VIPR2: variants seen among roughly 807,000 people sequenced by gnomAD.
VIPR2 encodes vasoactive intestinal polypeptide receptor 2.
VIPR2 carries 48 observed loss-of-function variants against 58.0 expected under a neutral mutation model. The ratio of observed to expected loss-of-function variants is 0.83; its 90% confidence interval spans 0.66 to 1.05. VIPR2 has a LOEUF of 1.05. Among genes scored for constraint, VIPR2 ranks in the 50% least tolerant of loss-of-function variants. The pLI is 0.00. For synonymous variants in VIPR2, 243 were observed against 235.2 expected (o/e 1.03, Z -0.30); for missense variants, 534 against 558.0 (o/e 0.96, Z 0.43).
intron 4 of VIPR2, among the ~76,000 whole-genome samples, chr7:159,088,316 C>T (rs1031234473): frequency 6.6e-6 from 1 of 152,154 alleles, no homozygotes; most frequent in Non-Finnish European, 1.5e-5. Flanking sequence ...CTGCAGCACA[C>T]CTGTACACCA....
chr7:159,109,757 A>T, intron 3 of VIPR2, 55 bp downstream of exon 3: 1 of 1,516,226 alleles, frequency 6.6e-7, no homozygotes, highest in Non-Finnish European at 9.2e-7. Context: ...GAAAAAATGG[A>T]CGCTCAGATG....
intron 3 of VIPR2, among the ~76,000 whole-genome samples, chr7:159,104,286 C>T (rs1858490610): frequency 6.7e-6 from 1 of 149,918 alleles, no homozygotes; most frequent in Admixed American, 6.6e-5. Flanking sequence ...CCGACAGTGA[C>T]CGGGTACCCC....
At chr7:159,105,099 C>T (rs1368234803) in intron 3 of VIPR2, among the ~76,000 whole-genome samples, 1 of 152,230 alleles carries the variant, frequency 6.6e-6, no homozygotes, top group Admixed American at 6.5e-5. Context: ...ATTCAATGTT[C>T]CTTGTATTTG....
chr7:159,040,458 C>T (rs566079166), intron 6 of VIPR2, among the ~76,000 whole-genome samples: 1 of 152,224 alleles, frequency 6.6e-6, no homozygotes, highest in Non-Finnish European at 1.5e-5. Context: ...CGCAGGGGAA[C>T]CTGCTGTGGC....
chr7:159,073,396 T>C (rs1303635100), intron 4 of VIPR2, among the ~76,000 whole-genome samples: 2 of 152,200 alleles, frequency 1.3e-5, no homozygotes, highest in African/African-American at 4.8e-5. Flanking sequence ...CTTATCCCAG[T>C]TGATATTCAC....
intron 5 of VIPR2, among the ~76,000 whole-genome samples, chr7:159,043,857 A>C (rs1367176992): frequency 6.6e-6 from 1 of 152,236 alleles, no homozygotes; most frequent in Non-Finnish European, 1.5e-5. Context: ...CTCAGGAGAC[A>C]CTTGGCAGGG....
At chr7:159,094,228 C>G (rs562703986) in intron 4 of VIPR2, among the ~76,000 whole-genome samples, 1 of 152,182 alleles carries the variant, frequency 6.6e-6, no homozygotes, top group African/African-American at 2.4e-5. Flanking sequence ...CACTTCCAGA[C>G]TCAGCAGAGG....
At chr7:159,064,751 G>C (rs1855986647) in intron 4 of VIPR2, among the ~76,000 whole-genome samples, 1 of 152,190 alleles carries the variant, frequency 6.6e-6, no homozygotes, top group Non-Finnish European at 1.5e-5. Context: ...CTTCGCCCCA[G>C]CTCTGGCACC....
At chr7:159,144,559 G>C in intron 1 of VIPR2, 162 bp downstream of exon 1, 1 of 1,456,938 alleles carries the variant, frequency 6.9e-7, no homozygotes, top group Non-Finnish European at 9.1e-7. Context: ...CACGCTCTCC[G>C]GGAGGAAGCT....
At chr7:159,140,426 G>A (rs193091220) in intron 2 of VIPR2, among the ~76,000 whole-genome samples, 4 of 152,242 alleles carry the variant, frequency 2.6e-5, no homozygotes, top group East Asian at 3.9e-4. Flanking sequence ...TTTGAGCCAC[G>A]CATATTTCAA....
chr7:159,142,360 G>T, intron 2 of VIPR2, 86 bp downstream of exon 2: 2 of 880,678 alleles, frequency 2.3e-6, no homozygotes, highest in Non-Finnish European at 3.6e-6. Context: ...TAAGATGCAG[G>T]TGGTGACCCT....
intron 4 of VIPR2, among the ~76,000 whole-genome samples, chr7:159,066,305 T>A (rs1325030550): frequency 6.6e-6 from 1 of 150,678 alleles, no homozygotes; most frequent in Non-Finnish European, 1.5e-5. Context: ...TCCCGCGGCG[T>A]CCGTGGATTC....
At chr7:159,034,862 G>A (rs1232293322) in intron 8 of VIPR2, among the ~76,000 whole-genome samples, 1 of 152,176 alleles carries the variant, frequency 6.6e-6, no homozygotes, top group African/African-American at 2.4e-5. Flanking sequence ...TGGGGAGGAG[G>A]AATGGAGGTG....
chr7:159,122,921 T>C (rs1204288266), intron 2 of VIPR2, among the ~76,000 whole-genome samples: 1 of 152,168 alleles, frequency 6.6e-6, no homozygotes, highest in African/African-American at 2.4e-5. Flanking sequence ...GAGCTTGTTG[T>C]GCAGACTATT....
intron 2 of VIPR2, among the ~76,000 whole-genome samples, chr7:159,122,451 G>T (rs369256848): frequency 2.0e-5 from 3 of 152,210 alleles, no homozygotes; most frequent in Non-Finnish European, 4.4e-5. Context: ...TGCTTCTGCG[G>T]AGCTCACCTG....
chr7:159,065,713 C>T (rs1461826490), intron 4 of VIPR2, among the ~76,000 whole-genome samples: 2 of 152,190 alleles, frequency 1.3e-5, no homozygotes, highest in Non-Finnish European at 2.9e-5. Flanking sequence ...AACGAGAAGA[C>T]ATCAGGGACA....
chr7:159,136,656 T>G (rs774971718), intron 2 of VIPR2, among the ~76,000 whole-genome samples: 1 of 151,898 alleles, frequency 6.6e-6, no homozygotes, highest in Non-Finnish European at 1.5e-5. Context: ...TCTCTGAGCC[T>G]CTCAAGAACC....
At chr7:159,036,254 T>C (rs765135842) in intron 7 of VIPR2, among the ~76,000 whole-genome samples, 4 of 152,084 alleles carry the variant, frequency 2.6e-5, no homozygotes, top group Non-Finnish European at 5.9e-5. Flanking sequence ...ATGAGAAGGG[T>C]TATTACTGGA....
At chr7:159,044,746 G>T (rs943063611) in intron 5 of VIPR2, among the ~76,000 whole-genome samples, 1 of 151,586 alleles carries the variant, frequency 6.6e-6, no homozygotes, top group Non-Finnish European at 1.5e-5. Context: ...TGAACTAAAA[G>T]ATTCACTGGG....
Sources: gnomAD v4.1 joint callset for allele counts (sites outside exome capture counted in the v4.1 genomes callset) on GRCh38, gnomAD v4.1.1 for gene constraint, MANE v1.5 for transcripts, NCBI Gene and HGNC (gene_info 2026-07-23, HGNC 2026-07-21) for gene names.